Variants in RASAL2 observed in about 807,000 individuals in gnomAD.
RASAL2 encodes the protein RAS protein activator like 2.
A neutral mutation model predicts 128.9 loss-of-function variants in RASAL2; 58 were observed. The ratio of observed to expected loss-of-function variants is 0.45; its 90% CI spans 0.36 to 0.56. The LOEUF (loss-of-function observed/expected upper bound fraction) is 0.56, where lower values mean the gene tolerates loss of function less well. Ranked by LOEUF, RASAL2 falls within the 20% of genes least tolerant of loss-of-function variation. The pLI, the probability that RASAL2 is intolerant of heterozygous loss-of-function variation, is 0.00. For synonymous variants in RASAL2, 561 were observed against 580.8 expected, an observed-to-expected ratio of 0.97 and a Z score of 0.49; for missense variants, 1,360 against 1,601.6, an observed-to-expected ratio of 0.85 and a Z score of 2.57.
At chr1:178,175,991 A>T (rs1244351318) in intron 1 of RASAL2, among the ~76,000 whole-genome samples, 1 of 152,164 alleles carries the variant, frequency 6.6e-6, no homozygotes, top group Non-Finnish European at 1.5e-5. Context: ...TGTCTTTGCA[A>T]TTGTGAATTA....
rs747311468 is a variant in RASAL2 at position 178,473,125 on chromosome 1, G to A, written c.3729G>A (p.Ala1243=). The A allele has an allele frequency of 2.3e-5, 37 of 1,614,052 alleles. No individual in the cohort carries two copies. Among genetic ancestry groups the A allele is most frequent in the East Asian group, 2.0e-4 (9 of 44,890 alleles). The change falls in exon 18 of 18, where the codon GCG becomes GCA. Residue 1243 remains alanine, a synonymous_variant. Transcript: ENST00000367649. ...CAGCCAACACCAGACTGATGAGCGC[G>A]CTGACCCAAGTGAAGGAGCGGTACA... ...LDSANTRLMS[A]LTQVKERYSM...
At chr1:178,367,986 A>G (rs1236192225) in intron 3 of RASAL2, among the ~76,000 whole-genome samples, 1 of 152,188 alleles carries the variant, frequency 6.6e-6, no homozygotes, top group Non-Finnish European at 1.5e-5. Flanking sequence ...TTGTATTGGA[A>G]CACAGCCATG....
At chr1:178,341,779 G>A (rs1231591741) in intron 3 of RASAL2, among the ~76,000 whole-genome samples, 2 of 152,182 alleles carry the variant, frequency 1.3e-5, no homozygotes, top group African/African-American at 4.8e-5. Context: ...TGTGGAAGCT[G>A]TCTGTTAGCA....
At chr1:178,170,962 G>T (rs1661685402) in intron 1 of RASAL2, among the ~76,000 whole-genome samples, 1 of 151,636 alleles carries the variant, frequency 6.6e-6, no homozygotes, top group South Asian at 2.1e-4. Flanking sequence ...TTGAATGGGG[G>T]CACCGAATTC....
intron 6 of RASAL2, among the ~76,000 whole-genome samples, chr1:178,441,267 CTT>C (rs1297275841): frequency 6.6e-6 from 1 of 152,138 alleles, no homozygotes; most frequent in African/African-American, 2.4e-5. Context: ...AAATTGGACT[CTT>C]AGTACATTTT....
intron 1 of RASAL2, among the ~76,000 whole-genome samples, chr1:178,112,333 C>CAGGGTGGAATCCCTAGCACTTTGG (rs1659356174): frequency 1.3e-5 from 2 of 151,904 alleles, no homozygotes; most frequent in Non-Finnish European, 2.9e-5. Flanking sequence ...GGGTGGATCA[C>CAGGGTGGAATCCCTAGCACTTTGG]GAGGTCAGGA....
At chr1:178,262,784 GC>G (rs1049971548) in intron 1 of RASAL2, among the ~76,000 whole-genome samples, 1 of 148,128 alleles carries the variant, frequency 6.8e-6, no homozygotes, top group Non-Finnish European at 1.5e-5. Context: ...CATCCCCCCT[GC>G]CCCCCACTCA....
chr1:178,271,218 G>A (rs1557868609), intron 1 of RASAL2, among the ~76,000 whole-genome samples: 1 of 152,116 alleles, frequency 6.6e-6, no homozygotes, highest in African/African-American at 2.4e-5. Context: ...AATTAGGTTG[G>A]TTCTTAGCTT....
chr1:178,268,545 C>G (rs1022158613), intron 1 of RASAL2, among the ~76,000 whole-genome samples: 1 of 151,998 alleles, frequency 6.6e-6, no homozygotes, highest in Non-Finnish European at 1.5e-5. Flanking sequence ...TGCTTGAGCC[C>G]AGGAGTTAAA....
intron 1 of RASAL2, among the ~76,000 whole-genome samples, chr1:178,237,529 A>G (rs1412784): frequency 0.27 from 40,938 of 152,064 alleles, 6,387 homozygotes; most frequent in African/African-American, 0.44. Context: ...GTGTCTGTTA[A>G]CAGAGCCAGT....
chr1:178,414,531 G>A (rs1674625709), intron 4 of RASAL2, among the ~76,000 whole-genome samples: 1 of 152,144 alleles, frequency 6.6e-6, no homozygotes, highest in Admixed American at 6.5e-5. Flanking sequence ...GCATGTTGGT[G>A]GGAGTGGCTA....
intron 5 of RASAL2, among the ~76,000 whole-genome samples, chr1:178,421,491 A>G (rs931143544): frequency 6.6e-6 from 1 of 151,816 alleles, no homozygotes; most frequent in Non-Finnish European, 1.5e-5. Flanking sequence ...CTCATGTAAT[A>G]CAACAACCCT....
intron 3 of RASAL2, among the ~76,000 whole-genome samples, chr1:178,309,247 T>G (rs1668129556): frequency 6.6e-6 from 1 of 152,146 alleles, no homozygotes; most frequent in African/African-American, 2.4e-5. Context: ...TTCTTTGAAA[T>G]TTCCTTAAAA....
intron 3 of RASAL2, among the ~76,000 whole-genome samples, chr1:178,300,574 C>G (rs1667722295): frequency 6.6e-6 from 1 of 152,136 alleles, no homozygotes; most frequent in African/African-American, 2.4e-5. Flanking sequence ...GTTAATCTTG[C>G]ATGTCTCATA....
At chr1:178,204,055 A>G (rs901311285) in intron 1 of RASAL2, among the ~76,000 whole-genome samples, 2 of 152,260 alleles carry the variant, frequency 1.3e-5, no homozygotes, top group African/African-American at 2.4e-5. Flanking sequence ...AGCTACAACC[A>G]TGTGGCCAGT....
intron 4 of RASAL2, among the ~76,000 whole-genome samples, chr1:178,413,113 C>T (rs1176448309): frequency 6.6e-6 from 1 of 151,972 alleles, no homozygotes; most frequent in Non-Finnish European, 1.5e-5. Context: ...GGCAGTGGCA[C>T]GATCTCCGGC....
chr1:178,402,749 T>C (rs1673726023), intron 4 of RASAL2, among the ~76,000 whole-genome samples: 1 of 152,202 alleles, frequency 6.6e-6, no homozygotes, highest in Admixed American at 6.5e-5. Flanking sequence ...TTTATCTTTT[T>C]CAATAACTAA....
chr1:178,229,065 TAC>T (rs1336948092), intron 1 of RASAL2, among the ~76,000 whole-genome samples: 3 of 152,234 alleles, frequency 2.0e-5, no homozygotes, highest in African/African-American at 4.8e-5. Flanking sequence ...AACAACTGTG[TAC>T]AGTTTGCCCC....
rs1233850531 is a variant in RASAL2 at position 178,310,721 on chromosome 1, T to C, written c.457+10603T>C. Among the ~76,000 whole-genome samples, 3 of 152,194 alleles carry C rather than the reference T, an allele frequency of 2.0e-5. No individual in the cohort carries two copies. In the East Asian group the frequency reaches 5.8e-4, roughly 29 times the overall value. ...CACAGTGGAGATTTGTTTACTTCTG[T>C]GAAGGTGGCTCCAAGGCAGTGCTGC... is the stretch of plus-strand genomic sequence containing the variant. On this transcript the variant is annotated intron_variant, in intron 3 of 17. Transcript: ENST00000367649.
Sources: allele counts gnomAD v4.1 joint callset (sites outside exome capture counted in the v4.1 genomes callset), GRCh38; gene constraint gnomAD v4.1.1; transcripts MANE v1.5; gene names NCBI Gene and HGNC (gene_info 2026-07-23, HGNC 2026-07-21).